The following NAALADL2 variants were observed in gnomAD, a reference collection of about 807,000 sequenced individuals.
NAALADL2 encodes N-acetylated alpha-linked acidic dipeptidase like 2, also known as inactive N-acetylated-alpha-linked acidic dipeptidase-like protein 2.
A neutral mutation model predicts 87.2 loss-of-function variants in NAALADL2; 76 were observed. The observed-to-expected ratio is 0.87, with a 90% CI of 0.72 to 1.05. The LOEUF (loss-of-function observed/expected upper bound fraction) is 1.05, where lower values mean the gene tolerates loss of function less well. Ranked by LOEUF, NAALADL2 falls within the 50% of genes least tolerant of loss-of-function variation. The pLI, the probability that NAALADL2 is intolerant of heterozygous loss-of-function variation, is 0.00. For missense variants in NAALADL2, 1,089 were observed against 945.8 expected, an observed-to-expected ratio of 1.15 and a Z score of -1.99; for synonymous variants, 354 against 331.0, an observed-to-expected ratio of 1.07 and a Z score of -0.75.
At chr3:175,031,441 A>T (rs954079947) in intron 1 of NAALADL2, among the ~76,000 whole-genome samples, 1 of 152,002 alleles carries the variant, frequency 6.6e-6, no homozygotes. Flanking sequence ...GCTGCAGAGG[A>T]TATGATTTCA....
intron 1 of NAALADL2, among the ~76,000 whole-genome samples, chr3:174,922,547 T>C (rs1227610302): frequency 6.6e-6 from 1 of 152,146 alleles, no homozygotes; most frequent in African/African-American, 2.4e-5. Flanking sequence ...TCAGTTTTTC[T>C]CCTAATGCTG....
At chr3:174,742,885 A>G (rs1288760885) in intron 3 of NAALADL2, among the ~76,000 whole-genome samples, 1 of 151,706 alleles carries the variant, frequency 6.6e-6, no homozygotes, top group South Asian at 2.1e-4. Flanking sequence ...CAAAATAACA[A>G]TGATGTGTTT....
chr3:175,194,484 C>A (rs576725866), intron 2 of NAALADL2, among the ~76,000 whole-genome samples: 1 of 151,862 alleles, frequency 6.6e-6, no homozygotes, highest in East Asian at 1.9e-4. Flanking sequence ...TCTGTCACAT[C>A]AATTTTAATG....
rs187267230 is a variant in NAALADL2 at position 174,723,178 on chromosome 3, C to G, written c.-114-14463C>G. On this transcript the variant is annotated intron_variant, in intron 2 of 3. Transcript: ENST00000434257. ...GGACATCATATTTAAAGTTTTGCCT[C>G]CTAAAAATTGCCTGCCTGTGATTAA... 2.6e-5 allele frequency among the ~76,000 whole-genome samples: 4 copies of G among 152,188 alleles called. No homozygotes were observed. The East Asian group carries it at 7.7e-4, about 29-fold the overall frequency.
intron 2 of NAALADL2, among the ~76,000 whole-genome samples, chr3:175,124,243 G>T (rs1000918142): frequency 6.6e-6 from 1 of 151,980 alleles, no homozygotes; most frequent in African/African-American, 2.4e-5. Flanking sequence ...GCAGTTTTAA[G>T]TTTCAAGTAA....
chr3:175,779,449 AT>A (rs201057864), intron 13 of NAALADL2, among the ~76,000 whole-genome samples: 10 of 150,938 alleles, frequency 6.6e-5, no homozygotes, highest in East Asian at 5.8e-4. Context: ...GATGTAATTC[AT>A]TTTTTTTTCA....
chr3:174,552,958 GT>G lies in NAALADL2; in HGVS notation c.-115+2323del, dbSNP rs1578152209. 5.3e-5 allele frequency among the ~76,000 whole-genome samples: 8 copies of G among 152,184 alleles called. No individual in the cohort carries two copies. In the East Asian group the frequency reaches 1.5e-3, roughly 29 times the overall value. ...GCAAGATAGGTGACTATAGACATAT[GT>G]TACACGTTATAAACTTTAAGTCCAA... is the stretch of plus-strand genomic sequence containing the variant. On this transcript the variant is annotated intron_variant, in intron 2 of 3. Coordinates refer to the NAALADL2 transcript ENST00000434257.
intron 6 of NAALADL2, among the ~76,000 whole-genome samples, chr3:175,463,151 CTATT>C (rs1723411303): frequency 6.6e-6 from 1 of 152,092 alleles, no homozygotes; most frequent in South Asian, 2.1e-4. Context: ...TTAGAAGTGT[CTATT>C]TATGGCTCTG....
intron 5 of NAALADL2, among the ~76,000 whole-genome samples, chr3:175,385,919 A>G (rs1768325514): frequency 6.6e-6 from 1 of 152,010 alleles, no homozygotes; most frequent in Non-Finnish European, 1.5e-5. Context: ...GGAAGAGGGG[A>G]GGGGAGATTT....
chr3:175,493,817 C>T (rs563834298), intron 9 of NAALADL2, among the ~76,000 whole-genome samples: 6 of 152,126 alleles, frequency 3.9e-5, no homozygotes, highest in East Asian at 1.9e-4. Context: ...AAACTATTGT[C>T]GGAACTCTTA....
intron 13 of NAALADL2, among the ~76,000 whole-genome samples, chr3:175,790,143 T>A (rs1484112887): frequency 6.6e-6 from 1 of 152,182 alleles, no homozygotes; most frequent in Non-Finnish European, 1.5e-5. Context: ...TTTTGATAAC[T>A]TGGTTTATAT....
At chr3:175,260,888 C>T (rs1750911790) in intron 4 of NAALADL2, among the ~76,000 whole-genome samples, 1 of 152,074 alleles carries the variant, frequency 6.6e-6, no homozygotes, top group African/African-American at 2.4e-5. Context: ...TTGGTTTGAT[C>T]ATAAATACTA....
At chr3:175,435,357 G>T (rs1375626012) in intron 5 of NAALADL2, among the ~76,000 whole-genome samples, 2 of 151,890 alleles carry the variant, frequency 1.3e-5, no homozygotes, top group African/African-American at 4.8e-5. Flanking sequence ...AAGTAAGTTT[G>T]AAAATATATT....
intron 4 of NAALADL2, among the ~76,000 whole-genome samples, chr3:175,306,298 T>G (rs1757713299): frequency 6.6e-6 from 1 of 152,096 alleles, no homozygotes. Flanking sequence ...TTCAAAGTAT[T>G]ATTTTATATT....
intron 2 of NAALADL2, among the ~76,000 whole-genome samples, chr3:174,712,985 G>T (rs1411131370): frequency 4.6e-5 from 7 of 151,350 alleles, no homozygotes; most frequent in South Asian, 2.1e-4. Context: ...CCCAGTGTGT[G>T]ATGTTCCCCT....
chr3:174,588,633 G>A (rs1716996755), intron 2 of NAALADL2, among the ~76,000 whole-genome samples: 1 of 152,174 alleles, frequency 6.6e-6, no homozygotes, highest in African/African-American at 2.4e-5. Flanking sequence ...GGAGTTTGCT[G>A]GAGGTCCACT....
chr3:174,788,974 A>T (rs560275404), intron 3 of NAALADL2, among the ~76,000 whole-genome samples: 2 of 152,300 alleles, frequency 1.3e-5, no homozygotes, highest in East Asian at 3.9e-4. Flanking sequence ...GTTTGAGAGA[A>T]GTTTGTGTGA....
intron 1 of NAALADL2, among the ~76,000 whole-genome samples, chr3:175,072,942 A>C (rs984658454): frequency 6.6e-6 from 1 of 152,030 alleles, no homozygotes; most frequent in East Asian, 1.9e-4. Context: ...ATTTATATGC[A>C]TGCAATTTTG....
chr3:174,898,908 T>C (rs1731962437), intron 1 of NAALADL2, among the ~76,000 whole-genome samples: 1 of 152,190 alleles, frequency 6.6e-6, no homozygotes, highest in African/African-American at 2.4e-5. Flanking sequence ...AATGTTGTAC[T>C]TCTTGACTTG....
Sources: allele counts gnomAD v4.1 joint callset (sites outside exome capture counted in the v4.1 genomes callset), GRCh38; gene constraint gnomAD v4.1.1; transcripts MANE v1.5; gene names NCBI Gene and HGNC (gene_info 2026-07-23, HGNC 2026-07-21).